Variants in MYRFL observed in about 807,000 individuals in gnomAD.
MYRFL encodes myelin regulatory factor-like protein.
In MYRFL, 88 loss-of-function variants were observed where a neutral mutation model predicts 109.4. The ratio of observed to expected loss-of-function variants is 0.80; its 90% confidence interval spans 0.68 to 0.96. The LOEUF is 0.96. Ranked by LOEUF, MYRFL falls within the 40% of genes least tolerant of loss-of-function variation. The pLI is 0.00. For missense variants in MYRFL, 957 were observed against 954.9 expected (o/e 1.00, Z -0.03); for synonymous variants, 324 against 320.9 (o/e 1.01, Z -0.10).
intron 13 of MYRFL, among the ~76,000 whole-genome samples, chr12:69,920,207 A>T (rs960719354): frequency 2.2e-4 from 33 of 152,114 alleles, no homozygotes; most frequent in Non-Finnish European, 4.0e-4. Flanking sequence ...GGTTTGTTAG[A>T]TATCATCGAA....
intron 2 of MYRFL, 43 bp downstream of exon 2, chr12:69,855,413 T>C (rs1268262226): frequency 1.4e-6 from 1 of 698,798 alleles, no homozygotes; most frequent in East Asian, 2.7e-5. Flanking sequence ...GTTTAAAATA[T>C]TATGAAATGA....
intron 16 of MYRFL, among the ~76,000 whole-genome samples, chr12:69,934,132 A>G (rs1395046079): frequency 6.6e-6 from 1 of 152,216 alleles, no homozygotes; most frequent in African/African-American, 2.4e-5. Flanking sequence ...GAGAGGTAGG[A>G]GAACAAAGAA....
rs1246839539 is a variant in MYRFL, at chr12:69,926,722, C to G, written c.1754C>G (p.Ala585Gly). 1 of 1,492,554 alleles carries G rather than the reference C, an allele frequency of 6.7e-7. No individual in the cohort carries two copies. Among genetic ancestry groups the G allele is most frequent in the Admixed American group, 2.1e-5 (1 of 46,722 alleles). 92.5% of individuals were successfully genotyped at this position (1,492,554 alleles called of 1,614,324 possible). A position where few individuals can be genotyped will look rare whatever the true frequency, so the allele number is the denominator to read the frequency against. The part of the protein sequence containing the change: ...LSSWKSSASE[A>G]STISKSSRAV... Reference sequence around the variant, plus strand: ...AGTTGGAAGTCATCAGCCAGTGAAGCAAGCACAATCAGGTACGTGCAGCCA... The same window carrying G: ...AGTTGGAAGTCATCAGCCAGTGAAGGAAGCACAATCAGGTACGTGCAGCCA... Residue 585 changes from alanine (A) to glycine (G), a missense_variant, in exon 14 of 25, where the codon GCA becomes GGA. Ala to Gly is a moderately conservative substitution (Grantham distance 60). Transcript: ENST00000552032.
At chr12:69,840,256 G>T (rs566639422) in intron 1 of MYRFL, among the ~76,000 whole-genome samples, 1 of 152,184 alleles carries the variant, frequency 6.6e-6, no homozygotes, top group African/African-American at 2.4e-5. Flanking sequence ...ATATTTTTCC[G>T]AATTACAAAT....
chr12:69,945,936 G>A (rs1287063899), intron 19 of MYRFL, among the ~76,000 whole-genome samples: 1 of 117,944 alleles, frequency 8.5e-6, no homozygotes, highest in East Asian at 2.7e-4. Flanking sequence ...GCAGTGAGCC[G>A]AGATCCCGCC....
At chr12:69,881,561 T>C (rs1004217535) in intron 5 of MYRFL, among the ~76,000 whole-genome samples, 36 of 152,328 alleles carry the variant, frequency 2.4e-4, no homozygotes, top group African/African-American at 8.4e-4. Flanking sequence ...TGAGGGACCT[T>C]TGGCGTCAGC....
chr12:69,828,113 A>G (rs1565956073), intron 1 of MYRFL, among the ~76,000 whole-genome samples: 1 of 152,078 alleles, frequency 6.6e-6, no homozygotes, highest in Non-Finnish European at 1.5e-5. Context: ...ATTGTAAAAG[A>G]TTTTGACATG....
At chr12:69,896,057 A>G (rs11177939) in intron 9 of MYRFL, among the ~76,000 whole-genome samples, 48,325 of 151,972 alleles carry the variant, frequency 0.32, 7,974 homozygotes, top group African/African-American at 0.36. Flanking sequence ...ACTGATACAT[A>G]CTCAAGTTTG....
At chr12:69,887,851 A>G (rs1886554336) in intron 6 of MYRFL, among the ~76,000 whole-genome samples, 1 of 152,174 alleles carries the variant, frequency 6.6e-6, no homozygotes, top group African/African-American at 2.4e-5. Flanking sequence ...TATCATTGAA[A>G]TGTCATGACT....
At chr12:69,826,365 T>TA (rs1882277092) in intron 1 of MYRFL, among the ~76,000 whole-genome samples, 1 of 152,140 alleles carries the variant, frequency 6.6e-6, no homozygotes, top group Non-Finnish European at 1.5e-5. Flanking sequence ...TGGCACATGG[T>TA]AGGCACACTA....
In MYRFL at chr12:69,879,110, C is replaced by T. The variant is rs1284359844; in HGVS notation, c.205+15C>T. 4.3e-6 allele frequency: 3 copies of T among 702,898 alleles called. No individual in the cohort carries two copies. Among genetic ancestry groups the T allele is most frequent in the Non-Finnish European group, 7.8e-6 (3 of 384,862 alleles). 43.5% of individuals were successfully genotyped at this position (702,898 alleles called of 1,614,324 possible). ...GCAGGTCAAAGGTGAGTGCGATCCA[C>T]CTTCAGCACATCTGGCACTGTTGCT... On this transcript the variant is annotated intron_variant, in intron 3 of 24. Coordinates refer to ENST00000552032, the MANE Select transcript of MYRFL (RefSeq NM_182530.3).
At chr12:69,923,144 T>G (rs887274014) in intron 13 of MYRFL, among the ~76,000 whole-genome samples, 2 of 152,210 alleles carry the variant, frequency 1.3e-5, no homozygotes, top group African/African-American at 2.4e-5. Flanking sequence ...AATTAGCCCT[T>G]TAATGTTCTA....
chr12:69,926,932 GGTTTTTTTTTTTTTTT>G lies in MYRFL; in HGVS notation c.1766+199_1766+214del, dbSNP rs1275845308. ...ACTTTCTTAGTTTTTTTCTGTTGCTGGTTTTTTTTTTTTTTTTTTTTTTTTTTTTGAGCCTGAGTTT... is the reference window on the plus strand; with the variant it reads ...ACTTTCTTAGTTTTTTTCTGTTGCTGTTTTTTTTTTTTTGAGCCTGAGTTT... On this transcript the variant is annotated intron_variant, in intron 14 of 24. Coordinates refer to ENST00000552032, the MANE Select transcript of MYRFL (RefSeq NM_182530.3). Among the ~76,000 whole-genome samples, 9 of 76,850 alleles carry G rather than the reference GGTTTTTTTTTTTTTTT, an allele frequency of 1.2e-4. 1 individual carries two copies. Among genetic ancestry groups the G allele is most frequent in the East Asian group, 9.9e-4 (3 of 3,018 alleles). The allele number at this position is 76,850 out of a possible 152,430, so 50.4% of individuals were successfully genotyped here. A position where few individuals can be genotyped will look rare whatever the true frequency, so the allele number is the denominator to read the frequency against.
rs535785918 is a variant in MYRFL at position 69,827,364 on chromosome 12, A to G, written c.46+1801A>G. 9.7e-4 allele frequency among the ~76,000 whole-genome samples: 148 copies of G among 152,030 alleles called. 1 individual carries two copies. Among genetic ancestry groups the G allele is most frequent in the African/African-American group, 3.3e-3 (135 of 41,470 alleles). ...CTTAGTTTTTTTTTTTAAACTTCCA[A>G]ACGTGACTAAATCTTCATGGTGTCT... is the stretch of plus-strand genomic sequence containing the variant. On this transcript the variant is annotated intron_variant, in intron 1 of 24. Coordinates refer to ENST00000552032, the MANE Select transcript of MYRFL (RefSeq NM_182530.3).
chr12:69,959,020 T>C lies in MYRFL; in HGVS notation c.*489T>C, dbSNP rs1278578496. The C allele has an allele frequency of 3.1e-5, 5 of 160,594 alleles. No homozygotes were observed. The highest frequency in any genetic ancestry group is 1.8e-4 in the South Asian group (1 of 5,490). 9.9% of individuals were successfully genotyped at this position (160,594 alleles called of 1,614,324 possible). ...GCTCACATTTAGGCAAATTGTCCTA[T>C]GTGTGTGTGTATTGTATAAACACAT... is the stretch of plus-strand genomic sequence containing the variant. On this transcript the variant is annotated 3_prime_UTR_variant, in exon 25 of 25. Transcript: ENST00000552032.
intron 19 of MYRFL, among the ~76,000 whole-genome samples, chr12:69,947,796 T>C (rs893372096): frequency 1.1e-4 from 16 of 152,180 alleles, no homozygotes; most frequent in African/African-American, 3.4e-4. Context: ...CATTGGCTTC[T>C]TCATAGTGCA....
At chr12:69,891,645 C>CTTTCTTTCTTTCT (rs1886873038) in intron 7 of MYRFL, among the ~76,000 whole-genome samples, 1 of 88,606 alleles carries the variant, frequency 1.1e-5, no homozygotes, top group Non-Finnish European at 2.2e-5. Context: ...CTTTTTCTTT[C>CTTTCTTTCTTTCT]TTTCTTTCTT....
intron 10 of MYRFL, among the ~76,000 whole-genome samples, chr12:69,898,401 C>CT (rs1954073449): frequency 6.6e-6 from 1 of 152,180 alleles, no homozygotes; most frequent in African/African-American, 2.4e-5. Context: ...ACACCCCAGG[C>CT]TGCATTTTTG....
intron 1 of MYRFL, among the ~76,000 whole-genome samples, chr12:69,836,132 G>A (rs907176765): frequency 6.6e-6 from 1 of 152,186 alleles, no homozygotes; most frequent in East Asian, 1.9e-4. Flanking sequence ...CCCACTCAGT[G>A]GCCCGGATTG....
Sources: allele counts gnomAD v4.1 joint callset (sites outside exome capture counted in the v4.1 genomes callset), GRCh38; gene constraint gnomAD v4.1.1; transcripts MANE v1.5; gene names NCBI Gene and HGNC (gene_info 2026-07-23, HGNC 2026-07-21).